The following NBN variants were observed in gnomAD, a reference collection of about 807,000 sequenced individuals.
NBN encodes the protein nibrin.
A neutral mutation model predicts 90.8 loss-of-function variants in NBN; 88 were observed. The observed-to-expected ratio is 0.97, with a 90% CI of 0.82 to 1.16. The LOEUF (loss-of-function observed/expected upper bound fraction) is 1.16, where lower values mean the gene tolerates loss of function less well. Among genes scored for constraint, NBN ranks in the 50% most tolerant of loss-of-function variants. The probability of loss-of-function intolerance (pLI) is 0.00; values close to 1 mark genes in which losing one functional copy is unlikely to be tolerated. For synonymous variants in NBN, 328 were observed against 295.1 expected (o/e 1.11, Z -1.14); for missense variants, 894 against 869.6 (o/e 1.03, Z -0.35).
intron 14 of NBN, among the ~76,000 whole-genome samples, chr8:89,940,962 A>G (rs1809914096): frequency 6.6e-6 from 1 of 152,198 alleles, no homozygotes; most frequent in African/African-American, 2.4e-5. Context: ...AGAGACATTA[A>G]GTAATTTGCC....
rs1554562083 is a variant in NBN, at chr8:89,964,409, C to A, written c.994+1G>T. Reference sequence around the variant, plus strand: ...AATCAATAAAATAATGCTTCAATTACCTGTACTGGGATGGCCCTGAGGATC... The same window carrying A: ...AATCAATAAAATAATGCTTCAATTAACTGTACTGGGATGGCCCTGAGGATC... On this transcript the variant is annotated splice_donor_variant, in intron 8 of 15. Coordinates refer to ENST00000265433, the MANE Select transcript of NBN (RefSeq NM_002485.5). LOFTEE classifies it high-confidence loss of function. 1 of 1,613,684 alleles carries A rather than the reference C, an allele frequency of 6.2e-7. No homozygotes were observed. The highest frequency in any genetic ancestry group is 8.5e-7 in the Non-Finnish European group (1 of 1,179,788).
At chr8:89,949,960 T>G (rs1810369558) in intron 11 of NBN, among the ~76,000 whole-genome samples, 4 of 152,134 alleles carry the variant, frequency 2.6e-5, no homozygotes, top group Non-Finnish European at 5.9e-5. Flanking sequence ...AACCCCACAT[T>G]GAGTAAGGTT....
chr8:89,952,090 C>T (rs117410473), intron 11 of NBN, among the ~76,000 whole-genome samples: 286 of 152,286 alleles, frequency 1.9e-3, no homozygotes, highest in Middle Eastern at 0.01. Flanking sequence ...GAGGTATCCT[C>T]TCAAAGAGCA....
intron 12 of NBN, among the ~76,000 whole-genome samples, chr8:89,947,113 T>C (rs1332384567): frequency 6.6e-6 from 1 of 152,118 alleles, no homozygotes; most frequent in African/African-American, 2.4e-5. Context: ...AATCAGCACA[T>C]TATTAAGAAC....
At chr8:89,971,361 C>CTCCG in intron 5 of NBN, 71 bp from the exon 6 acceptor site, 1 of 1,494,812 alleles carries the variant, frequency 6.7e-7, no homozygotes, top group Non-Finnish European at 9.0e-7. Flanking sequence ...AACGGAGTGA[C>CTCCG]TATCTGACAC....
At chr8:89,956,825 T>C (rs1039124553) in intron 9 of NBN, among the ~76,000 whole-genome samples, 6 of 152,204 alleles carry the variant, frequency 3.9e-5, no homozygotes, top group Non-Finnish European at 5.9e-5. Context: ...ATGATATTTC[T>C]GTCAACAATG....
At chr8:89,978,527 A>G (rs1563574822) in intron 4 of NBN, among the ~76,000 whole-genome samples, 1 of 152,226 alleles carries the variant, frequency 6.6e-6, no homozygotes, top group Non-Finnish European at 1.5e-5. Flanking sequence ...AACATAAATC[A>G]CAGTATAATC....
At position 89,941,667 on chromosome 8, in the gene NBN, T is replaced by C. The variant is rs551789145; in HGVS notation, c.2184+1586A>G. Among the ~76,000 whole-genome samples, 33 of 152,328 alleles carry C rather than the reference T, an allele frequency of 2.2e-4. No homozygotes were observed. In the South Asian group the frequency reaches 6.6e-3, roughly 31 times the overall value. Reference sequence around the variant, plus strand: ...CAATGAAGAGATGTCTGGAATATTGTTCACTTAACTGTTTAAATAGGTAAT... The same window carrying C: ...CAATGAAGAGATGTCTGGAATATTGCTCACTTAACTGTTTAAATAGGTAAT... On this transcript the variant is annotated intron_variant, in intron 14 of 15. Coordinates refer to ENST00000265433, the MANE Select transcript of NBN (RefSeq NM_002485.5).
intron 1 of NBN, chr8:89,984,226 T>A (rs772006075): frequency 5.7e-6 from 3 of 528,982 alleles, no homozygotes; most frequent in Non-Finnish European, 1.0e-5. Context: ...CATCCAGCCC[T>A]AGCGCTGCAA....
intron 12 of NBN, 55 bp downstream of exon 12, chr8:89,947,764 TGATGA>T (rs914211423): frequency 2.5e-4 from 229 of 920,064 alleles, no homozygotes; most frequent in Non-Finnish European, 2.7e-4. Flanking sequence ...TCACAAAAAT[TGATGA>T]GATGACAGTC....
chr8:89,955,065 T>C (rs1810633075), intron 10 of NBN, among the ~76,000 whole-genome samples: 1 of 151,866 alleles, frequency 6.6e-6, no homozygotes, highest in African/African-American at 2.4e-5. Context: ...GCAAGTAAAA[T>C]AACACGTAAG....
At chr8:89,964,276 G>A in intron 8 of NBN, 134 bp downstream of exon 8, 2 of 988,790 alleles carry the variant, frequency 2.0e-6, no homozygotes, top group Non-Finnish European at 3.1e-6. Flanking sequence ...ATGAATAAAT[G>A]AAAGTATAAA....
chr8:89,943,461 C>G, intron 13 of NBN, 95 bp from the exon 14 acceptor site: 1 of 1,231,752 alleles, frequency 8.1e-7, no homozygotes, highest in Non-Finnish European at 1.2e-6. Flanking sequence ...GTAAATCATG[C>G]ATAAGTGCCA....
At chr8:89,957,513 T>C (rs1810781582) in intron 9 of NBN, among the ~76,000 whole-genome samples, 1 of 152,198 alleles carries the variant, frequency 6.6e-6, no homozygotes, top group Non-Finnish European at 1.5e-5. Flanking sequence ...TAGTGTAGTC[T>C]AAATGTAGTG....
intron 7 of NBN, 131 bp from the exon 8 acceptor site, chr8:89,964,638 G>T: frequency 1.1e-6 from 1 of 882,962 alleles, no homozygotes; most frequent in Non-Finnish European, 1.7e-6. Context: ...AATTTCAAAT[G>T]CAGAGTACTA....
rs200297914 is a variant in NBN, at chr8:89,958,813, C to T, written c.1036G>A (p.Val346Met). The change falls in exon 9 of 16, where the codon GTG becomes ATG. Residue 346 changes from valine to methionine, a missense_variant. Transcript: ENST00000265433. Reference protein sequence around the residue: ...TTPGPSLSQGVSVDEKLMPSA... With the variant: ...TTPGPSLSQGMSVDEKLMPSA... Reference sequence around the variant, plus strand: ...GGCATTAGTTTTTCATCAACTGACACGCCTTGTGAAAGGCTTGGTCCTGGA... The same window carrying T: ...GGCATTAGTTTTTCATCAACTGACATGCCTTGTGAAAGGCTTGGTCCTGGA... 8.7e-5 allele frequency: 141 copies of T among 1,613,912 alleles called. 1 individual carries two copies. The East Asian group carries it at 1.7e-3, about 19-fold the overall frequency.
intron 2 of NBN, chr8:89,981,848 A>G: frequency 1.6e-6 from 1 of 624,404 alleles, no homozygotes; most frequent in Non-Finnish European, 2.4e-6. Context: ...AAACATGACA[A>G]TTTCATTCCT....
chr8:89,970,676 A>G (rs1013675834), intron 6 of NBN, 119 bp from the exon 7 acceptor site: 4 of 956,846 alleles, frequency 4.2e-6, no homozygotes, highest in South Asian at 2.9e-5. Context: ...CTTCTTGAGT[A>G]GGTCATTTCA....
At chr8:89,975,894 T>C (rs1028174854) in intron 5 of NBN, among the ~76,000 whole-genome samples, 1 of 152,260 alleles carries the variant, frequency 6.6e-6, no homozygotes, top group Non-Finnish European at 1.5e-5. Flanking sequence ...ACAAGATTTA[T>C]GTACTTCCTC....
Sources: allele counts gnomAD v4.1 joint callset (sites outside exome capture counted in the v4.1 genomes callset), GRCh38; gene constraint gnomAD v4.1.1; transcripts MANE v1.5; gene names NCBI Gene and HGNC (gene_info 2026-07-23, HGNC 2026-07-21).